KCNQ1: variants seen among roughly 807,000 people sequenced by gnomAD.
KCNQ1 encodes the protein potassium voltage-gated channel subfamily KQT member 1.
In KCNQ1, 49 loss-of-function variants were observed where a neutral mutation model predicts 72.4. That is an observed-to-expected ratio of 0.68 (90% CI 0.54 to 0.86). KCNQ1 has a LOEUF of 0.86. KCNQ1 is among the 40% of genes least tolerant of loss of function. The pLI is 0.00. For synonymous variants in KCNQ1, 450 were observed against 412.6 expected (o/e 1.09, Z -1.10); for missense variants, 790 against 945.1 (o/e 0.84, Z 2.15).
chr11:2,665,842 T>G (rs1850057673), intron 11 of KCNQ1: 1 of 398,594 alleles, frequency 2.5e-6, no homozygotes, highest in Non-Finnish European at 4.4e-6. Flanking sequence ...GGCACAGGGC[T>G]AGGGGCCTGA....
At chr11:2,662,684 A>G (rs1398673232) in intron 11 of KCNQ1, 1 of 403,648 alleles carries the variant, frequency 2.5e-6, no homozygotes, top group Non-Finnish European at 4.4e-6. Context: ...TGGGGTGCCC[A>G]GCGGTGACAG....
At chr11:2,560,543 G>C (rs1203022097) in intron 2 of KCNQ1, among the ~76,000 whole-genome samples, 1 of 121,420 alleles carries the variant, frequency 8.2e-6, no homozygotes, top group Non-Finnish European at 1.8e-5. Flanking sequence ...GGGGGGGCGG[G>C]GGGGGGTGAC....
intron 15 of KCNQ1, among the ~76,000 whole-genome samples, chr11:2,796,668 A>G (rs1263630285): frequency 6.6e-6 from 1 of 152,228 alleles, no homozygotes; most frequent in Admixed American, 6.5e-5. Flanking sequence ...GGGCCTGAAG[A>G]TAATGGGCCC....
Position 2,830,677 on chromosome 11 carries a change from C to A in KCNQ1, c.1795-17090C>A, listed in dbSNP as rs976021977. Among the ~76,000 whole-genome samples the A allele has an allele frequency of 6.6e-6, 1 of 152,142 alleles. No individual in the cohort carries two copies. Among genetic ancestry groups the A allele is most frequent in the African/African-American group, 2.4e-5 (1 of 41,440 alleles). The stretch of plus-strand genomic sequence containing the variant: ...GGAGACCTTCCCACCCTTCCACTCA[C>A]CTTCCGAGCATTGTGGGCCTTCCCA... On this transcript the variant is annotated intron_variant, in intron 15 of 15. Coordinates refer to ENST00000155840, the MANE Select transcript of KCNQ1 (RefSeq NM_000218.3). The surrounding 1 kb of genome is among the most constrained non-coding windows in gnomAD (Gnocchi z 7.7).
rs1847870486 is a variant in KCNQ1, at chr11:2,544,292, A to ACG, written c.477+16274_477+16275insCG. Among the ~76,000 whole-genome samples the ACG allele has an allele frequency of 2.9e-5, 4 of 137,772 alleles. No homozygotes were observed. The highest frequency in any genetic ancestry group is 1.3e-4 in the African/African-American group (4 of 31,598). The allele number at this position is 137,772 out of a possible 152,430, so 90.4% of individuals were successfully genotyped here. A position where few individuals can be genotyped will look rare whatever the true frequency, so the allele number is the denominator to read the frequency against. On this transcript the variant is annotated intron_variant, in intron 2 of 15. Coordinates refer to ENST00000155840, the MANE Select transcript of KCNQ1 (RefSeq NM_000218.3). The surrounding 1 kb of genome is among the most constrained non-coding windows in gnomAD (Gnocchi z 4.4). ...TGTGTATATATATGTGTATATATAT[A>ACG]TGTATATATGTGTATATATGTATAT... is the stretch of plus-strand genomic sequence containing the variant.
rs1393095313 is a variant in KCNQ1 at position 2,815,065 on chromosome 11, G to T, written c.1795-32702G>T. Among the ~76,000 whole-genome samples, 1 of 152,242 alleles carries T rather than the reference G, an allele frequency of 6.6e-6. No individual in the cohort carries two copies. The highest frequency in any genetic ancestry group is 1.5e-5 in the Non-Finnish European group (1 of 68,042). On this transcript the variant is annotated intron_variant, in intron 15 of 15. Coordinates refer to ENST00000155840, the MANE Select transcript of KCNQ1 (RefSeq NM_000218.3). This position sits in a 1 kb window ranked among gnomAD's most constrained non-coding sequence, Gnocchi z 5.4. ...AGTTGTCCTAGCAACCATCATCCAG[G>T]CACCTGCTGCGTGCTGAGCACCATG...
intron 1 of KCNQ1, among the ~76,000 whole-genome samples, chr11:2,476,958 G>A (rs1846578045): frequency 6.6e-6 from 1 of 152,194 alleles, no homozygotes; most frequent in African/African-American, 2.4e-5. Context: ...CAAAGTGCTG[G>A]GATCACAGGC....
chr11:2,539,097 T>G (rs1477915833), intron 2 of KCNQ1, among the ~76,000 whole-genome samples: 2 of 152,094 alleles, frequency 1.3e-5, no homozygotes, highest in Non-Finnish European at 2.9e-5. Flanking sequence ...AGCCGAGGCA[T>G]GAGTGGATGA....
rs1846851924 is a variant in KCNQ1 at position 2,492,479 on chromosome 11, T to C, written c.387-35449T>C. On this transcript the variant is annotated intron_variant, in intron 1 of 15. Coordinates refer to ENST00000155840, the MANE Select transcript of KCNQ1 (RefSeq NM_000218.3). This position sits in a 1 kb window ranked among gnomAD's most constrained non-coding sequence, Gnocchi z 4.1. ...ATCTAGGTTTTAAGCCCTACATGCA[T>C]TAGGTATTTGTCCTAATGCTCTCCC... 6.6e-6 allele frequency among the ~76,000 whole-genome samples: 1 copy of C among 152,174 alleles called. No individual in the cohort carries two copies. The highest frequency in any genetic ancestry group is 1.5e-5 in the Non-Finnish European group (1 of 68,038).
rs1463631299 is a variant in KCNQ1 at position 2,494,766 on chromosome 11, A to G, written c.387-33162A>G. Among the ~76,000 whole-genome samples, 1 of 152,154 alleles carries G rather than the reference A, an allele frequency of 6.6e-6. No homozygotes were observed. Among genetic ancestry groups the G allele is most frequent in the Non-Finnish European group, 1.5e-5 (1 of 68,044 alleles). Reference sequence around the variant, plus strand: ...CCAGTATTTTATTGAAGATTTTTGCATCGGTGCTCATCAGGGATATTGGCC... The same window carrying G: ...CCAGTATTTTATTGAAGATTTTTGCGTCGGTGCTCATCAGGGATATTGGCC... On this transcript the variant is annotated intron_variant, in intron 1 of 15. Coordinates refer to ENST00000155840, the MANE Select transcript of KCNQ1 (RefSeq NM_000218.3). This position sits in a 1 kb window ranked among gnomAD's most constrained non-coding sequence, Gnocchi z 4.6.
intron 15 of KCNQ1, among the ~76,000 whole-genome samples, chr11:2,796,124 G>A (rs1018488528): frequency 6.6e-6 from 1 of 152,228 alleles, no homozygotes; most frequent in Admixed American, 6.5e-5. Flanking sequence ...TTGGCTTATG[G>A]CGCAATGCAC....
chr11:2,709,624 C>T (rs917281368), intron 11 of KCNQ1, among the ~76,000 whole-genome samples: 3 of 152,002 alleles, frequency 2.0e-5, no homozygotes, highest in African/African-American at 4.8e-5. Context: ...ATTCTTTAGC[C>T]GTCACTCCCC....
intron 1 of KCNQ1, among the ~76,000 whole-genome samples, chr11:2,503,568 A>T (rs916130799): frequency 2.6e-5 from 4 of 151,564 alleles, no homozygotes; most frequent in African/African-American, 9.7e-5. Context: ...GAGGGATAGC[A>T]TTAGGAGATA....
Position 2,813,220 on chromosome 11 carries a change from C to A in KCNQ1, c.1795-34547C>A, listed in dbSNP as rs1403870093. 2.0e-5 allele frequency among the ~76,000 whole-genome samples: 3 copies of A among 152,162 alleles called. No homozygotes were observed. The highest frequency in any genetic ancestry group is 4.4e-5 in the Non-Finnish European group (3 of 68,026). ...GGGGCTGGCAGAGCTGGAGGGAGTTCCATCCCAGCCCCAAGGTGCCTGGAG... is the reference window on the plus strand; with the variant it reads ...GGGGCTGGCAGAGCTGGAGGGAGTTACATCCCAGCCCCAAGGTGCCTGGAG... On this transcript the variant is annotated intron_variant, in intron 15 of 15. Transcript: ENST00000155840. This position sits in a 1 kb window ranked among gnomAD's most constrained non-coding sequence, Gnocchi z 4.4.
At chr11:2,696,242 C>T in intron 11 of KCNQ1, 2 of 398,648 alleles carry the variant, frequency 5.0e-6, no homozygotes, top group Non-Finnish European at 8.8e-6. Flanking sequence ...ATGGCAACTA[C>T]CTTTTGCTTT....
chr11:2,733,135 C>T (rs2133942800), intron 11 of KCNQ1, among the ~76,000 whole-genome samples: 1 of 152,208 alleles, frequency 6.6e-6, no homozygotes, highest in Non-Finnish European at 1.5e-5. Flanking sequence ...CTCCAGTGTC[C>T]CTCAGAACGG....
chr11:2,693,038 G>C, intron 11 of KCNQ1: 5 of 398,636 alleles, frequency 1.3e-5, no homozygotes, highest in Non-Finnish European at 2.2e-5. Flanking sequence ...GTCCTTTCTG[G>C]AGCAGGGGGA....
rs1590054580 is a variant in KCNQ1 at position 2,725,246 on chromosome 11, C to T, written c.1515-43598C>T. Among the ~76,000 whole-genome samples, 1 of 152,190 alleles carries T rather than the reference C, an allele frequency of 6.6e-6. No individual in the cohort carries two copies. Among genetic ancestry groups the T allele is most frequent in the Admixed American group, 6.5e-5 (1 of 15,276 alleles). ...CTAAGACAAGTTCCCAGAATCCATCCGGGACAGACGGCTGGACTTGTGAAA... is the reference window on the plus strand; with the variant it reads ...CTAAGACAAGTTCCCAGAATCCATCTGGGACAGACGGCTGGACTTGTGAAA... On this transcript the variant is annotated intron_variant, in intron 11 of 15. Coordinates refer to ENST00000155840, the MANE Select transcript of KCNQ1 (RefSeq NM_000218.3). The surrounding 1 kb of genome is among the most constrained non-coding windows in gnomAD (Gnocchi z 7.2).
rs1849669326 is a variant in KCNQ1, at chr11:2,646,564, T to C, written c.1394-15397T>C. ...GAGTGCAGACAGGGTCTCACTCTGT[T>C]GCCCAGGCTGGGGTGCAATGGTGCA... On this transcript the variant is annotated intron_variant, in intron 10 of 15. Coordinates refer to ENST00000155840, the MANE Select transcript of KCNQ1 (RefSeq NM_000218.3). The C allele has an allele frequency of 1.0e-5, 4 of 398,540 alleles. No individual in the cohort carries two copies. In the South Asian group the frequency reaches 3.8e-4, roughly 38 times the overall value. 24.7% of individuals were successfully genotyped at this position (398,540 alleles called of 1,614,324 possible). A position where few individuals can be genotyped will look rare whatever the true frequency, so the allele number is the denominator to read the frequency against.
Sources: allele counts gnomAD v4.1 joint callset (sites outside exome capture counted in the v4.1 genomes callset), GRCh38; gene constraint gnomAD v4.1.1; non-coding constraint Gnocchi (gnomAD v3.1); transcripts MANE v1.5; gene names NCBI Gene and HGNC (gene_info 2026-07-23, HGNC 2026-07-21).